MALRD1: variants seen among roughly 807,000 people sequenced by gnomAD.
MALRD1 encodes MAM and LDL receptor class A domain containing 1, also known as MAM and LDL-receptor class A domain-containing protein 1.
Under a neutral mutation model 242.1 loss-of-function variants are expected in MALRD1, and 247 were observed. The ratio of observed to expected loss-of-function variants is 1.02; its 90% CI spans 0.92 to 1.13. The LOEUF is 1.13. Among genes scored for constraint, MALRD1 ranks in the 50% most tolerant of loss-of-function variants. The pLI is 0.00. For missense variants in MALRD1, 2,989 were observed against 2,533.1 expected (o/e 1.18, Z -3.86); for synonymous variants, 995 against 866.6 (o/e 1.15, Z -2.60).
At chr10:19,163,137 TAAA>T (rs58034381) in intron 12 of MALRD1, among the ~76,000 whole-genome samples, 110 of 43,828 alleles carry the variant, frequency 2.5e-3, no homozygotes, top group African/African-American at 8.2e-3. Flanking sequence ...AAACCCTGTC[TAAA>T]AAAAAAAAAA....
intron 28 of MALRD1, among the ~76,000 whole-genome samples, chr10:19,432,645 A>C (rs555883929): frequency 6.6e-6 from 1 of 152,328 alleles, no homozygotes; most frequent in South Asian, 2.1e-4. Flanking sequence ...ACAATGAACA[A>C]ATATGATTTT....
chr10:19,124,084 G>C (rs975321240), intron 6 of MALRD1, among the ~76,000 whole-genome samples: 1 of 151,418 alleles, frequency 6.6e-6, no homozygotes, highest in Non-Finnish European at 1.5e-5. Flanking sequence ...GAGCATGGTG[G>C]CATGCACCTG....
intron 29 of MALRD1, among the ~76,000 whole-genome samples, chr10:19,463,960 A>T (rs553930295): frequency 6.6e-6 from 1 of 152,188 alleles, no homozygotes. Flanking sequence ...CATTTCCCTG[A>T]TCATTAGTGA....
intron 36 of MALRD1, among the ~76,000 whole-genome samples, chr10:19,664,176 T>C (rs1841569197): frequency 6.6e-6 from 1 of 151,704 alleles, no homozygotes; most frequent in African/African-American, 2.4e-5. Flanking sequence ...ATGAAATGCC[T>C]TTACACCATC....
At chr10:19,296,271 C>G (rs747516149) in intron 21 of MALRD1, among the ~76,000 whole-genome samples, 2 of 152,108 alleles carry the variant, frequency 1.3e-5, no homozygotes, top group East Asian at 1.9e-4. Flanking sequence ...ACACTTTTTC[C>G]TCAAATGTAA....
At chr10:19,280,292 A>G in intron 20 of MALRD1, 69 bp downstream of exon 20, 1 of 1,206,408 alleles carries the variant, frequency 8.3e-7, no homozygotes, top group South Asian at 1.8e-5. Flanking sequence ...ATCTCTAAGT[A>G]GCACAGCCTA....
chr10:19,663,171 T>C lies in MALRD1; in HGVS notation c.6138-29111T>C, dbSNP rs532684824. Among the ~76,000 whole-genome samples the C allele has an allele frequency of 7.2e-5, 11 of 152,214 alleles. No individual in the cohort carries two copies. The South Asian group carries it at 2.3e-3, about 32-fold the overall frequency. On this transcript the variant is annotated intron_variant, in intron 36 of 39. Transcript: ENST00000454679. ...TTGGTAATTTTCCATCCCTCACCCC[T>C]CTTCCACCCTTTCATATTTTTGAGT...
At chr10:19,486,547 T>C (rs1189319694) in intron 29 of MALRD1, among the ~76,000 whole-genome samples, 1 of 152,094 alleles carries the variant, frequency 6.6e-6, no homozygotes, top group Non-Finnish European at 1.5e-5. Flanking sequence ...GAATATGTGG[T>C]TTTGTCAACT....
intron 14 of MALRD1, among the ~76,000 whole-genome samples, chr10:19,193,857 C>T (rs199615603): frequency 1.6e-5 from 2 of 123,696 alleles, no homozygotes; most frequent in Non-Finnish European, 3.5e-5. Flanking sequence ...TATATATATA[C>T]ACACACATAT....
At chr10:19,321,872 T>TA (rs1053915355) in intron 21 of MALRD1, among the ~76,000 whole-genome samples, 7 of 152,078 alleles carry the variant, frequency 4.6e-5, no homozygotes, top group Non-Finnish European at 7.4e-5. Context: ...CAATCTCCAT[T>TA]AAAAAAATTA....
At chr10:19,340,693 A>G (rs1409627161) in intron 24 of MALRD1, among the ~76,000 whole-genome samples, 2 of 152,160 alleles carry the variant, frequency 1.3e-5, no homozygotes, top group Non-Finnish European at 2.9e-5. Context: ...TCAATCACTT[A>G]ATAGCAGTCT....
intron 31 of MALRD1, among the ~76,000 whole-genome samples, chr10:19,518,816 T>G (rs1274564384): frequency 6.6e-6 from 1 of 152,220 alleles, no homozygotes; most frequent in African/African-American, 2.4e-5. Context: ...GGTTTCAATT[T>G]TAGTGGCAAT....
chr10:19,451,547 G>A (rs1205559486), intron 29 of MALRD1, among the ~76,000 whole-genome samples: 1 of 152,292 alleles, frequency 6.6e-6, no homozygotes, highest in Admixed American at 6.5e-5. Context: ...TATACTGCCA[G>A]TGAAAGATAT....
At chr10:19,657,102 A>G (rs1038912783) in intron 36 of MALRD1, among the ~76,000 whole-genome samples, 24 of 152,112 alleles carry the variant, frequency 1.6e-4, no homozygotes, top group Admixed American at 2.0e-4. Flanking sequence ...TGCTATCCTC[A>G]TTCTCTCACA....
At chr10:19,614,132 C>A (rs1240065270) in intron 35 of MALRD1, among the ~76,000 whole-genome samples, 1 of 151,892 alleles carries the variant, frequency 6.6e-6, no homozygotes, top group African/African-American at 2.4e-5. Context: ...ACTGGTTGTT[C>A]TTCTAACAGT....
chr10:19,126,477 G>T (rs1038361808), intron 7 of MALRD1, among the ~76,000 whole-genome samples: 1 of 151,922 alleles, frequency 6.6e-6, no homozygotes, highest in Admixed American at 6.6e-5. Context: ...GCCAGTCTAG[G>T]TTATATTCTG....
At chr10:19,559,578 G>GA (rs1564440519) in intron 32 of MALRD1, among the ~76,000 whole-genome samples, 18 of 152,000 alleles carry the variant, frequency 1.2e-4, no homozygotes, top group African/African-American at 4.3e-4. Flanking sequence ...GAATCCACCT[G>GA]GTCAAAGACT....
At chr10:19,730,951 A>G (rs1835271555) in intron 39 of MALRD1, among the ~76,000 whole-genome samples, 170 bp downstream of exon 39, 1 of 152,230 alleles carries the variant, frequency 6.6e-6, no homozygotes, top group Non-Finnish European at 1.5e-5. Context: ...TTCCATCTCT[A>G]TAAATATGCT....
chr10:19,331,532 A>C lies in MALRD1; in HGVS notation c.3851A>C (p.Asp1284Ala), dbSNP rs1843371995. The C allele has an allele frequency of 5.8e-6, 9 of 1,550,318 alleles. No homozygotes were observed. Among genetic ancestry groups the C allele is most frequent in the Non-Finnish European group, 7.0e-6 (8 of 1,146,798 alleles). The change falls in exon 24 of 40, where the codon GAT becomes GCT. Residue 1284 changes from aspartate (D) to alanine (A), a missense_variant. Coordinates refer to ENST00000454679, the MANE Select transcript of MALRD1 (RefSeq NM_001142308.3). ...KHCIAKDKLCDFVNDCADNSD... is the reference protein window; with the variant it reads ...KHCIAKDKLCAFVNDCADNSD... Reference sequence around the variant, plus strand: ...TGCATTGCCAAAGACAAGCTGTGTGATTTTGTGAATGATTGTGCTGATAAT... The same window carrying C: ...TGCATTGCCAAAGACAAGCTGTGTGCTTTTGTGAATGATTGTGCTGATAAT...
Sources: allele counts gnomAD v4.1 joint callset (sites outside exome capture counted in the v4.1 genomes callset), GRCh38; gene constraint gnomAD v4.1.1; transcripts MANE v1.5; gene names NCBI Gene and HGNC (gene_info 2026-07-23, HGNC 2026-07-21).